Variants in UPP2 observed in about 807,000 individuals in gnomAD.
The protein encoded by UPP2 is uridine phosphorylase 2.
A neutral mutation model predicts 26.7 loss-of-function variants in UPP2; 23 were observed. The observed-to-expected ratio is 0.86, with a 90% CI of 0.62 to 1.22. The LOEUF is 1.22. Ranked by LOEUF, UPP2 falls within the 50% of genes most tolerant of loss-of-function variation. The probability of loss-of-function intolerance (pLI) is 0.00; values close to 1 mark genes in which losing one functional copy is unlikely to be tolerated. For synonymous variants in UPP2, 127 were observed against 141.3 expected, an observed-to-expected ratio of 0.90 and a Z score of 0.72; for missense variants, 387 against 396.7, an observed-to-expected ratio of 0.98 and a Z score of 0.21.
At chr2:158,091,562 A>G (rs41472346) in intron 3 of UPP2, among the ~76,000 whole-genome samples, 1 of 152,238 alleles carries the variant, frequency 6.6e-6, no homozygotes, top group Non-Finnish European at 1.5e-5. Flanking sequence ...TGTTGCCACA[A>G]TAATGCTATT....
intron 1 of UPP2, among the ~76,000 whole-genome samples, chr2:158,104,573 A>G (rs1683140949): frequency 6.6e-6 from 1 of 151,964 alleles, no homozygotes; most frequent in Admixed American, 6.6e-5. Context: ...AGAATCGATA[A>G]AGATATAGAA....
At chr2:158,005,054 C>T (rs969863374) in intron 2 of UPP2, among the ~76,000 whole-genome samples, 1 of 152,164 alleles carries the variant, frequency 6.6e-6, no homozygotes, top group Admixed American at 6.5e-5. Flanking sequence ...AGTGCCTACA[C>T]CTCTAGTCAT....
chr2:158,123,218 G>A (rs570656495), intron 5 of UPP2, among the ~76,000 whole-genome samples: 100 of 152,320 alleles, frequency 6.6e-4, no homozygotes, highest in African/African-American at 2.4e-3. Flanking sequence ...AAAGGAAAAT[G>A]TGATCACAAG....
chr2:158,114,081 G>C (rs1683372713), intron 2 of UPP2, among the ~76,000 whole-genome samples: 1 of 152,198 alleles, frequency 6.6e-6, no homozygotes, highest in Non-Finnish European at 1.5e-5. Context: ...TTATTTGTGT[G>C]ACACTGAGCA....
At chr2:158,104,981 A>AAGGGAAGGGAGGG (rs1558932160) in intron 1 of UPP2, among the ~76,000 whole-genome samples, 1 of 17,942 alleles carries the variant, frequency 5.6e-5, no homozygotes, top group African/African-American at 4.4e-4. Flanking sequence ...GGAAGGGAAG[A>AAGGGAAGGGAGGG]GAAGGGAAGG....
chr2:158,050,458 A>T (rs562624232), intron 3 of UPP2, among the ~76,000 whole-genome samples: 1 of 152,168 alleles, frequency 6.6e-6, no homozygotes, highest in Non-Finnish European at 1.5e-5. Context: ...GAAAAATTGC[A>T]CTAATTATAA....
chr2:158,120,936 A>G (rs947054247), intron 4 of UPP2, among the ~76,000 whole-genome samples: 1 of 152,032 alleles, frequency 6.6e-6, no homozygotes, highest in Non-Finnish European at 1.5e-5. Context: ...AGGTCAGCCA[A>G]GAGCCCTGAT....
Position 158,057,737 on chromosome 2 carries a change from C to CTT in UPP2, c.147+41856_147+41857dup, listed in dbSNP as rs112613974. ...GTATAGTCTACAGTTGATTCAGATT[C>CTT]TTTTTTGTTTTTTAACTTCTTTTTT... On this transcript the variant is annotated intron_variant, in intron 3 of 9. Coordinates refer to the UPP2 transcript ENST00000605860. Among the ~76,000 whole-genome samples, 382 of 147,272 alleles carry CTT rather than the reference C, an allele frequency of 2.6e-3. 2 individuals are homozygous for CTT. Among genetic ancestry groups the CTT allele is most frequent in the Middle Eastern group, 0.01 (3 of 286 alleles).
At chr2:158,108,887 C>CGCGTGTGT (rs1553469634) in intron 2 of UPP2, among the ~76,000 whole-genome samples, 1 of 133,032 alleles carries the variant, frequency 7.5e-6, no homozygotes, top group Non-Finnish European at 1.6e-5. Context: ...GAGGCAAAAG[C>CGCGTGTGT]GTGTGTGTGT....
chr2:158,081,845 T>C (rs922997078), intron 3 of UPP2, among the ~76,000 whole-genome samples: 3 of 152,036 alleles, frequency 2.0e-5, no homozygotes, highest in Non-Finnish European at 4.4e-5. Context: ...AGATGATTAA[T>C]GGATATAAAA....
intron 3 of UPP2, among the ~76,000 whole-genome samples, chr2:158,035,874 T>G (rs1023454094): frequency 3.3e-5 from 5 of 152,236 alleles, no homozygotes; most frequent in African/African-American, 1.2e-4. Context: ...ACAGCTGTCA[T>G]CCTTACAAGC....
chr2:158,082,330 A>C (rs900441130), intron 3 of UPP2, among the ~76,000 whole-genome samples: 1 of 151,440 alleles, frequency 6.6e-6, no homozygotes, highest in African/African-American at 2.4e-5. Flanking sequence ...ATTGTACCCA[A>C]CGTGTAGCCT....
chr2:158,130,265 A>C (rs2105234010), intron 6 of UPP2, among the ~76,000 whole-genome samples: 1 of 151,968 alleles, frequency 6.6e-6, no homozygotes, highest in South Asian at 2.1e-4. Flanking sequence ...ACATGGTGAA[A>C]CCTCGTCTCT....
chr2:158,001,460 T>G (rs907767373), intron 2 of UPP2, among the ~76,000 whole-genome samples: 4 of 152,128 alleles, frequency 2.6e-5, no homozygotes, highest in African/African-American at 7.2e-5. Context: ...CCTGGCCTTC[T>G]GCTCTCACTA....
At chr2:158,039,860 C>T (rs531102307) in intron 3 of UPP2, among the ~76,000 whole-genome samples, 1 of 152,318 alleles carries the variant, frequency 6.6e-6, no homozygotes, top group Admixed American at 6.5e-5. Flanking sequence ...CTCTCATTTC[C>T]AGTAAGCTCT....
chr2:158,064,971 G>A (rs929463888), intron 3 of UPP2, among the ~76,000 whole-genome samples: 1 of 152,134 alleles, frequency 6.6e-6, no homozygotes, highest in Non-Finnish European at 1.5e-5. Context: ...CCAGTACCAT[G>A]CTGTTTTGGT....
chr2:158,021,874 C>G (rs1683757373), intron 3 of UPP2, among the ~76,000 whole-genome samples: 1 of 152,012 alleles, frequency 6.6e-6, no homozygotes. Context: ...TGAAAGATAC[C>G]TATTCTGAAC....
At chr2:158,069,567 G>A (rs913260861) in intron 3 of UPP2, among the ~76,000 whole-genome samples, 8 of 152,170 alleles carry the variant, frequency 5.3e-5, no homozygotes, top group African/African-American at 1.7e-4. Context: ...ACAGTGCACC[G>A]TGGTCGTCAG....
intron 3 of UPP2, among the ~76,000 whole-genome samples, chr2:158,089,424 C>G (rs2105200970): frequency 6.6e-6 from 1 of 152,340 alleles, no homozygotes; most frequent in Non-Finnish European, 1.5e-5. Flanking sequence ...AGAAAGCAAG[C>G]AGGGCTTTCA....
Sources: gnomAD v4.1 joint callset for allele counts (sites outside exome capture counted in the v4.1 genomes callset) on GRCh38, gnomAD v4.1.1 for gene constraint, MANE v1.5 for transcripts, NCBI Gene and HGNC (gene_info 2026-07-23, HGNC 2026-07-21) for gene names.